EYS: variants seen among roughly 807,000 people sequenced by gnomAD.
EYS encodes protein eyes shut homolog.
Under a neutral mutation model 282.1 loss-of-function variants are expected in EYS, and 250 were observed. The observed-to-expected ratio is 0.89, with a 90% CI of 0.80 to 0.98. The LOEUF (loss-of-function observed/expected upper bound fraction) is 0.98, where lower values mean the gene tolerates loss of function less well. EYS is among the 50% of genes least tolerant of loss of function. EYS has a pLI of 0.00. For synonymous variants in EYS, 1,355 were observed against 1,282.9 expected (o/e 1.06, Z -1.20); for missense variants, 4,016 against 3,709.0 (o/e 1.08, Z -2.15).
At chr6:64,316,466 G>T (rs1769969776) in intron 29 of EYS, among the ~76,000 whole-genome samples, 1 of 152,082 alleles carries the variant, frequency 6.6e-6, no homozygotes. Flanking sequence ...ATTCACAGTT[G>T]CTACAAAGAG....
chr6:65,491,270 T>TACAC (rs57650145), intron 4 of EYS: 6,296 of 169,956 alleles, frequency 0.037, 102 homozygotes, highest in East Asian at 0.061. Flanking sequence ...ATCAGTTATA[T>TACAC]ACACACACAC....
chr6:64,631,949 CAATT>C (rs902644130), intron 22 of EYS, among the ~76,000 whole-genome samples: 1 of 151,830 alleles, frequency 6.6e-6, no homozygotes, highest in African/African-American at 2.4e-5. Flanking sequence ...CATTAAAAAA[CAATT>C]AAATTTATAT....
intron 8 of EYS, among the ~76,000 whole-genome samples, chr6:65,384,028 C>T (rs548977723): frequency 1.3e-5 from 2 of 151,708 alleles, no homozygotes; most frequent in Non-Finnish European, 2.9e-5. Context: ...ACTAAAAAAG[C>T]ATATTTTGTG....
chr6:63,843,029 G>A (rs1379733294), intron 36 of EYS, among the ~76,000 whole-genome samples: 1 of 152,182 alleles, frequency 6.6e-6, no homozygotes, highest in Non-Finnish European at 1.5e-5. Flanking sequence ...ATAGTTTGAA[G>A]TCAGGGTAGT....
At chr6:65,389,571 A>G (rs546248113) in intron 7 of EYS, among the ~76,000 whole-genome samples, 13 of 152,270 alleles carry the variant, frequency 8.5e-5, no homozygotes, top group Non-Finnish European at 1.8e-4. Flanking sequence ...TGGCTTGAAC[A>G]AGGGTGTTAA....
intron 2 of EYS, among the ~76,000 whole-genome samples, chr6:65,532,284 G>A (rs565332099): frequency 6.6e-6 from 1 of 152,002 alleles, no homozygotes; most frequent in South Asian, 2.1e-4. Flanking sequence ...ATTTACTCTG[G>A]TACGTATTTT....
chr6:64,015,174 G>C (rs372299221), intron 33 of EYS, among the ~76,000 whole-genome samples: 81 of 152,200 alleles, frequency 5.3e-4, no homozygotes, highest in East Asian at 4.4e-3. Flanking sequence ...TCTTACAATA[G>C]AGATAATAAT....
At chr6:64,085,568 C>A (rs535505093) in intron 31 of EYS, among the ~76,000 whole-genome samples, 2 of 152,166 alleles carry the variant, frequency 1.3e-5, no homozygotes, top group Non-Finnish European at 2.9e-5. Flanking sequence ...GGTCCAAATA[C>A]ATACCCTTTT....
At chr6:64,270,136 A>G (rs1458789562) in intron 30 of EYS, among the ~76,000 whole-genome samples, 1 of 152,074 alleles carries the variant, frequency 6.6e-6, no homozygotes, top group East Asian at 1.9e-4. Flanking sequence ...TATTTTTACA[A>G]TTTTATTTTC....
intron 42 of EYS, 71 bp downstream of exon 42, chr6:63,726,448 A>G (rs1768618126): frequency 7.6e-7 from 1 of 1,324,360 alleles, no homozygotes; most frequent in African/African-American, 1.5e-5. Flanking sequence ...TAGGTGACAC[A>G]AACACTATCA....
chr6:63,854,109 T>C (rs1333443473), intron 36 of EYS, among the ~76,000 whole-genome samples: 1 of 152,230 alleles, frequency 6.6e-6, no homozygotes, highest in African/African-American at 2.4e-5. Flanking sequence ...ACTGGGTATA[T>C]ACCCAAAGGA....
intron 11 of EYS, among the ~76,000 whole-genome samples, chr6:65,322,477 T>C (rs926439293): frequency 6.6e-6 from 1 of 152,056 alleles, no homozygotes; most frequent in African/African-American, 2.4e-5. Flanking sequence ...AGCAGGAATA[T>C]ATCCATGCGA....
At chr6:64,408,464 T>A (rs532160459) in intron 28 of EYS, among the ~76,000 whole-genome samples, 1 of 152,264 alleles carries the variant, frequency 6.6e-6, no homozygotes, top group African/African-American at 2.4e-5. Context: ...TCCACAGTTT[T>A]AAAAATCTGA....
chr6:65,695,634 TA>T (rs1273467929), intron 1 of EYS, among the ~76,000 whole-genome samples: 21 of 84,598 alleles, frequency 2.5e-4, no homozygotes, highest in East Asian at 1.2e-3. Flanking sequence ...CAATCATTGT[TA>T]TTTTTTTTTT....
chr6:64,902,182 T>C lies in EYS; in HGVS notation c.2777A>G (p.Glu926Gly). 1 of 1,550,762 alleles carries C rather than the reference T, an allele frequency of 6.4e-7. No homozygotes were observed. Residue 926 changes from glutamate (E) to glycine (G), a missense_variant, in exon 18 of 43, where the codon GAA (glutamate) becomes GGA (glycine). Coordinates refer to ENST00000503581, the MANE Select transcript of EYS (RefSeq NM_001142800.2). ...AGAGGAACATTCATTAATTTCAATT[T>C]CACACAGAGATCCAGAAAACCCAGG... ...CRPGFSGSLC[E>G]IEINECSSEP...
intron 22 of EYS, among the ~76,000 whole-genome samples, chr6:64,802,028 T>TC (rs1185904214): frequency 6.9e-5 from 8 of 115,568 alleles, no homozygotes; most frequent in African/African-American, 2.8e-4. Flanking sequence ...TTTTTCTTTT[T>TC]TTTTCTTTTT....
At chr6:65,492,783 C>T (rs147530012) in intron 4 of EYS, among the ~76,000 whole-genome samples, 91 of 152,246 alleles carry the variant, frequency 6.0e-4, no homozygotes, top group African/African-American at 2.1e-3. Context: ...TATTCAGTGG[C>T]TATTATTGGT....
intron 22 of EYS, among the ~76,000 whole-genome samples, chr6:64,697,254 TATATC>T (rs964701807): frequency 1.3e-5 from 2 of 152,030 alleles, no homozygotes; most frequent in African/African-American, 2.4e-5. Flanking sequence ...AAGCTATACT[TATATC>T]AGATAAAACA....
At chr6:64,391,869 T>C (rs2150428098) in intron 28 of EYS, among the ~76,000 whole-genome samples, 2 of 152,274 alleles carry the variant, frequency 1.3e-5, no homozygotes, top group Middle Eastern at 3.4e-3. Flanking sequence ...GTGTGCTGTA[T>C]TCAGAAAACC....
Sources: allele counts gnomAD v4.1 joint callset (sites outside exome capture counted in the v4.1 genomes callset), GRCh38; gene constraint gnomAD v4.1.1; transcripts MANE v1.5; gene names NCBI Gene and HGNC (gene_info 2026-07-23, HGNC 2026-07-21).